ITGAL: variants seen among roughly 807,000 people sequenced by gnomAD.
The protein encoded by ITGAL is integrin alpha-L.
A neutral mutation model predicts 138.4 loss-of-function variants in ITGAL; 68 were observed. The ratio of observed to expected loss-of-function variants is 0.49; its 90% CI spans 0.40 to 0.60. ITGAL has a LOEUF of 0.60. ITGAL is among the 20% of genes least tolerant of loss of function. ITGAL has a pLI of 0.00. For synonymous variants in ITGAL, 561 were observed against 584.3 expected (o/e 0.96, Z 0.57); for missense variants, 1,256 against 1,478.6 (o/e 0.85, Z 2.47).
At chr16:30,515,388 G>A (rs1421251860) in intron 25 of ITGAL, among the ~76,000 whole-genome samples, 2 of 152,078 alleles carry the variant, frequency 1.3e-5, no homozygotes, top group Non-Finnish European at 2.9e-5. Flanking sequence ...GCCATGACCC[G>A]CCTCTCCCAG....
At chr16:30,480,142 G>A (rs867941873) in intron 6 of ITGAL, among the ~76,000 whole-genome samples, 2 of 149,252 alleles carry the variant, frequency 1.3e-5, no homozygotes, top group Middle Eastern at 3.9e-3. Flanking sequence ...GTGTTGCCCA[G>A]ACTGGTCCCA....
chr16:30,473,419 C>T (rs1046864178), intron 1 of ITGAL, among the ~76,000 whole-genome samples: 2 of 152,160 alleles, frequency 1.3e-5, no homozygotes, highest in Non-Finnish European at 2.9e-5. Flanking sequence ...GGTGACAGAG[C>T]AAGACTCTGT....
intron 22 of ITGAL, 126 bp from the exon 23 acceptor site, chr16:30,510,755 G>A: frequency 1.3e-6 from 1 of 790,192 alleles, no homozygotes; most frequent in Non-Finnish European, 2.2e-6. Context: ...TAGAATCCTA[G>A]CTCAGTGCTT....
chr16:30,472,812 C>A lies in ITGAL; in HGVS notation c.-26C>A, dbSNP rs765373900. ...GGGCCTCCTGACGCTGCCCCTGGGG[C>A]CACAGGTCCCTCGAGTGCTGGAAGG... On this transcript the variant is annotated 5_prime_UTR_variant, in exon 1 of 31. Transcript: ENST00000356798. 3.7e-6 allele frequency: 6 copies of A among 1,607,796 alleles called. No individual in the cohort carries two copies. In the South Asian group the frequency reaches 4.5e-5, roughly 12 times the overall value.
chr16:30,507,248 AG>A lies in ITGAL; in HGVS notation c.2508+394del, dbSNP rs1474576328. 2.0e-5 allele frequency among the ~76,000 whole-genome samples: 3 copies of A among 151,846 alleles called. No homozygotes were observed. The East Asian group carries it at 5.8e-4, about 29-fold the overall frequency. On this transcript the variant is annotated intron_variant, in intron 21 of 30. Transcript: ENST00000356798. ...GCCGAGGCGGGCGGATCACGAGGTC[AG>A]GAGATCGAGACCATCCTGGCTAACA...
At chr16:30,483,538 G>A (rs527793115) in intron 7 of ITGAL, among the ~76,000 whole-genome samples, 82 of 152,278 alleles carry the variant, frequency 5.4e-4, no homozygotes, top group African/African-American at 1.9e-3. Flanking sequence ...TTGCAATGGA[G>A]GGTAGGAAGC....
intron 17 of ITGAL, among the ~76,000 whole-genome samples, chr16:30,501,681 A>AC (rs2050900694): frequency 4.0e-3 from 1 of 250 alleles, no homozygotes; most frequent in Non-Finnish European, 8.8e-3. Flanking sequence ...AGAAAAACTT[A>AC]GGGATTTTTT....
At chr16:30,506,446 C>G (rs2050997880) in intron 20 of ITGAL, among the ~76,000 whole-genome samples, 1 of 150,194 alleles carries the variant, frequency 6.7e-6, no homozygotes, top group African/African-American at 2.5e-5. Context: ...GTAGTCCCAG[C>G]TACTCGGGAG....
chr16:30,477,784 G>A (rs2050492239), intron 4 of ITGAL, among the ~76,000 whole-genome samples: 1 of 151,896 alleles, frequency 6.6e-6, no homozygotes, highest in African/African-American at 2.4e-5. Context: ...TATTTGGGAG[G>A]CTGAGGTAGG....
At chr16:30,510,732 T>C (rs1167717470) in intron 22 of ITGAL, 149 bp from the exon 23 acceptor site, 4 of 700,600 alleles carry the variant, frequency 5.7e-6, no homozygotes, top group Non-Finnish European at 9.9e-6. Context: ...GGTTGCCTCA[T>C]CTTTGCAATG....
At chr16:30,512,981 G>A (rs1421227405) in intron 24 of ITGAL, among the ~76,000 whole-genome samples, 2 of 152,250 alleles carry the variant, frequency 1.3e-5, no homozygotes, top group East Asian at 3.9e-4. Flanking sequence ...GATTACAGGC[G>A]TAAGCCACCG....
chr16:30,476,865 C>T (rs2050479243), intron 4 of ITGAL, among the ~76,000 whole-genome samples: 1 of 152,130 alleles, frequency 6.6e-6, no homozygotes, highest in Non-Finnish European at 1.5e-5. Context: ...TACTCCTGAC[C>T]TGAGGTGATC....
intron 1 of ITGAL, among the ~76,000 whole-genome samples, chr16:30,473,449 CA>C (rs1197671415): frequency 1.3e-5 from 2 of 152,130 alleles, no homozygotes; most frequent in Admixed American, 6.6e-5. Context: ...AACAAACAAA[CA>C]AAAGGCAGAT....
At chr16:30,478,273 G>T (rs1280810043) in intron 4 of ITGAL, among the ~76,000 whole-genome samples, 2 of 151,152 alleles carry the variant, frequency 1.3e-5, no homozygotes, top group Non-Finnish European at 2.9e-5. Context: ...AGCAGAGGTT[G>T]CAGTGAGCCA....
intron 9 of ITGAL, 117 bp downstream of exon 9, chr16:30,484,380 AG>A (rs2050608812): frequency 1.1e-6 from 1 of 941,362 alleles, no homozygotes; most frequent in Non-Finnish European, 1.6e-6. Context: ...AGGCCGAGGC[AG>A]GTGGATCAAT....
At chr16:30,519,682 C>T (rs1241744422) in intron 29 of ITGAL, 175 bp from the exon 30 acceptor site, 4 of 627,382 alleles carry the variant, frequency 6.4e-6, no homozygotes, top group Non-Finnish European at 1.2e-5. Flanking sequence ...GTGTGTTGGC[C>T]AACTCATGGC....
At position 30,506,830 on chromosome 16, in the gene ITGAL, T is replaced by A; in HGVS notation, c.2482T>A (p.Ser828Thr). The A allele has an allele frequency of 6.2e-7, 1 of 1,613,896 alleles. No homozygotes were observed. Among genetic ancestry groups the A allele is most frequent in the South Asian group, 1.1e-5 (1 of 91,076 alleles). The change falls in exon 21 of 31, where the codon TCC becomes ACC. Residue 828 changes from serine to threonine, a missense_variant. Ser to Thr is a moderately conservative substitution (Grantham distance 58, BLOSUM62 1). Around this residue, in one of 3 missense-constraint regions of ITGAL, gnomAD observed 867 missense variants for 972.5 expected, o/e 0.89. Coordinates refer to ENST00000356798, the MANE Select transcript of ITGAL (RefSeq NM_002209.3). ...QLDLHFPPGL[S>T]FRKVEMLKPH... is the part of the protein sequence containing the mutation. ...GGACCTGCACTTCCCCCCGGGACTC[T>A]CCTTCCGCAAGGTGGAGATGCTGAA...
At chr16:30,496,988 A>T (rs1017006293) in intron 15 of ITGAL, among the ~76,000 whole-genome samples, 10 of 152,038 alleles carry the variant, frequency 6.6e-5, no homozygotes, top group Non-Finnish European at 1.2e-4. Context: ...GGCCAGGCAC[A>T]GTGGCTCACA....
chr16:30,505,726 A>T (rs1379637871), intron 20 of ITGAL, among the ~76,000 whole-genome samples: 1 of 152,102 alleles, frequency 6.6e-6, no homozygotes, highest in African/African-American at 2.4e-5. Flanking sequence ...CTAAAAAAAA[A>T]TTTAAAAATT....
Sources: gnomAD v4.1 joint callset for allele counts (sites outside exome capture counted in the v4.1 genomes callset) on GRCh38, gnomAD v4.1.1 for gene constraint, gnomAD v4.1.1 regional missense constraint, MANE v1.5 for transcripts, NCBI Gene and HGNC (gene_info 2026-07-23, HGNC 2026-07-21) for gene names.